The following SUSD1 variants were observed in gnomAD, a reference collection of about 807,000 sequenced individuals.
The protein encoded by SUSD1 is sushi domain containing 1.
In SUSD1, 65 loss-of-function variants were observed where a neutral mutation model predicts 86.9. That is an observed-to-expected ratio of 0.75 (90% CI 0.61 to 0.92). The LOEUF (loss-of-function observed/expected upper bound fraction) is 0.92, where lower values mean the gene tolerates loss of function less well. Ranked by LOEUF, SUSD1 falls within the 40% of genes least tolerant of loss-of-function variation. The probability of loss-of-function intolerance (pLI) is 0.00; values close to 1 mark genes in which losing one functional copy is unlikely to be tolerated. For missense variants in SUSD1, 850 were observed against 929.7 expected (o/e 0.91, Z 1.11); for synonymous variants, 346 against 350.0 (o/e 0.99, Z 0.13).
rs750474855 is a variant in SUSD1 at position 112,058,507 on chromosome 9, T to C, written c.2030A>G (p.Tyr677Cys). The C allele has an allele frequency of 6.2e-7, 1 of 1,614,204 alleles. No individual in the cohort carries two copies. Among genetic ancestry groups the C allele is most frequent in the Non-Finnish European group, 8.5e-7 (1 of 1,180,028 alleles). ...MEIPIGDRLY[Y>C]GEYYNAPLKR... ...CAAGGGTGCATTATAATATTCCCCA[T>C]AGTACAGCCTGTCTCCTATAGGTAT... Residue 677 changes from tyrosine (Y) to cysteine (C), a missense_variant, in exon 14 of 17, where the codon TAT becomes TGT. Physicochemically the swap from Tyr to Cys is radical, Grantham distance 194. Transcript: ENST00000374270.
chr9:112,149,336 G>C lies in SUSD1; in HGVS notation c.281C>G (p.Thr94Ser). ...VCGNHTSCHN[T>S]PGGFYCICLE... ...GCAAATGCAATAGAAGCCCCCGGGG[G>C]TGTTGTGGCAAGATGTGTGGTTCCC... is the stretch of plus-strand genomic sequence containing the variant. The change falls in exon 3 of 17, where the codon ACC (threonine) becomes AGC (serine). Residue 94 changes from threonine (T) to serine (S), a missense_variant. Coordinates refer to ENST00000374270, the MANE Select transcript of SUSD1 (RefSeq NM_022486.5). 1 of 1,614,124 alleles carries C rather than the reference G, an allele frequency of 6.2e-7. No individual in the cohort carries two copies. The highest frequency in any genetic ancestry group is 8.5e-7 in the Non-Finnish European group (1 of 1,180,026).
chr9:112,092,867 A>G lies in SUSD1; in HGVS notation c.1474+5603T>C, dbSNP rs145323525. Among the ~76,000 whole-genome samples, 1,024 of 152,344 alleles carry G rather than the reference A, an allele frequency of 6.7e-3. 6 individuals carry two copies. The highest frequency in any genetic ancestry group is 0.012 in the Non-Finnish European group (813 of 68,028). ...GAAACCATAAAACAGAAGAAAGGCA[A>G]CATAAATAATAATCAAAGAAGTCAT... On this transcript the variant is annotated intron_variant, in intron 10 of 16. Transcript: ENST00000374270.
chr9:112,078,017 C>T (rs932850401), intron 12 of SUSD1, among the ~76,000 whole-genome samples: 1 of 152,008 alleles, frequency 6.6e-6, no homozygotes, highest in Non-Finnish European at 1.5e-5. Context: ...TCCCCACAGA[C>T]CTCCCCTGTG....
chr9:112,098,770 C>G (rs1266388255), intron 9 of SUSD1, 108 bp from the exon 10 acceptor site: 2 of 1,012,050 alleles, frequency 2.0e-6, no homozygotes, highest in Non-Finnish European at 2.9e-6. Flanking sequence ...TTTATTTATC[C>G]TTGCCCACTT....
At chr9:112,070,828 C>A (rs570904686) in intron 12 of SUSD1, among the ~76,000 whole-genome samples, 118 of 152,204 alleles carry the variant, frequency 7.8e-4, no homozygotes, top group African/African-American at 2.5e-3. Context: ...TGGAAAGAGA[C>A]CCAAAGAAAT....
In SUSD1 at chr9:112,143,605, A is replaced by T. The variant is rs527875807; in HGVS notation, c.392T>A (p.Val131Asp). Reference protein sequence around the residue: ...TFCTDIDECEVSGLCRHGGRC... With the variant: ...TFCTDIDECEDSGLCRHGGRC... ...CCCTCCATGCCTGCACAGGCCAGAA[A>T]CTTCACACTCATCTATGTCTTGGGA... The change falls in exon 4 of 17, where the codon GTT becomes GAT. Residue 131 changes from valine to aspartate, a missense_variant. Physicochemically the swap from Val to Asp is radical, Grantham distance 152 (BLOSUM62 -3). Coordinates refer to ENST00000374270, the MANE Select transcript of SUSD1 (RefSeq NM_022486.5). 2 of 1,613,658 alleles carry T rather than the reference A, an allele frequency of 1.2e-6. No homozygotes were observed. Among genetic ancestry groups the T allele is most frequent in the South Asian group, 2.2e-5 (2 of 90,946 alleles).
At chr9:112,049,493 C>T (rs1828097217) in intron 15 of SUSD1, among the ~76,000 whole-genome samples, 1 of 152,206 alleles carries the variant, frequency 6.6e-6, no homozygotes, top group Non-Finnish European at 1.5e-5. Flanking sequence ...GCCTCTGCAT[C>T]TTCCATCAAA....
At chr9:112,134,112 G>A (rs750557395) in intron 5 of SUSD1, among the ~76,000 whole-genome samples, 4 of 152,070 alleles carry the variant, frequency 2.6e-5, no homozygotes, top group South Asian at 2.1e-4. Context: ...ATATGCTGTC[G>A]GTGGGAATGT....
At chr9:112,117,581 T>C (rs1347307357) in intron 6 of SUSD1, among the ~76,000 whole-genome samples, 1 of 152,110 alleles carries the variant, frequency 6.6e-6, no homozygotes, top group African/African-American at 2.4e-5. Context: ...GTACATAATG[T>C]TATGTATTTT....
At chr9:112,170,307 A>T (rs1055144874) in intron 1 of SUSD1, among the ~76,000 whole-genome samples, 1 of 152,182 alleles carries the variant, frequency 6.6e-6, no homozygotes, top group African/African-American at 2.4e-5. Context: ...CAGAGGGAAG[A>T]TCAAGCATGA....
chr9:112,115,081 G>A (rs547379013), intron 6 of SUSD1, among the ~76,000 whole-genome samples: 1 of 152,170 alleles, frequency 6.6e-6, no homozygotes, highest in African/African-American at 2.4e-5. Context: ...ATTTCTCCAT[G>A]TCAGAAAATG....
At chr9:112,047,898 A>G (rs1828025406) in intron 15 of SUSD1, among the ~76,000 whole-genome samples, 1 of 152,174 alleles carries the variant, frequency 6.6e-6, no homozygotes, top group Non-Finnish European at 1.5e-5. Flanking sequence ...CATGAGCTAA[A>G]TAAACCTCTT....
intron 6 of SUSD1, 61 bp downstream of exon 6, chr9:112,124,196 C>A: frequency 1.3e-6 from 2 of 1,522,464 alleles, no homozygotes; most frequent in South Asian, 2.5e-5. Flanking sequence ...TAGTTTTAGG[C>A]CCTCGGCTCC....
At chr9:112,097,411 T>A (rs887904856) in intron 10 of SUSD1, among the ~76,000 whole-genome samples, 8 of 149,998 alleles carry the variant, frequency 5.3e-5, no homozygotes, top group African/African-American at 2.0e-4. Context: ...TTTTTTTTTT[T>A]TTTTGAGATG....
intron 5 of SUSD1, among the ~76,000 whole-genome samples, chr9:112,141,891 G>GTA (rs35362000): frequency 0.18 from 25,222 of 141,372 alleles, 2,675 homozygotes; most frequent in East Asian, 0.47. Context: ...GTATATATAT[G>GTA]TATATATATA....
At chr9:112,107,650 T>C (rs1012479076) in intron 8 of SUSD1, among the ~76,000 whole-genome samples, 3 of 152,170 alleles carry the variant, frequency 2.0e-5, no homozygotes, top group African/African-American at 7.2e-5. Flanking sequence ...CAAAGGCATA[T>C]CATGCAAATG....
intron 2 of SUSD1, 56 bp downstream of exon 2, chr9:112,157,444 A>G (rs1047765305): frequency 9.4e-6 from 12 of 1,274,322 alleles, no homozygotes; most frequent in Non-Finnish European, 1.2e-5. Flanking sequence ...CTTTAATACA[A>G]GAGAATCTTG....
chr9:112,070,195 G>A (rs144756744), intron 12 of SUSD1, among the ~76,000 whole-genome samples: 2,274 of 152,028 alleles, frequency 0.015, 17 homozygotes, highest in Admixed American at 0.019. Flanking sequence ...TAGTAGAGAC[G>A]GGGTTTCTCC....
chr9:112,084,397 A>T (rs191654254), intron 10 of SUSD1, among the ~76,000 whole-genome samples: 1 of 152,190 alleles, frequency 6.6e-6, no homozygotes, highest in African/African-American at 2.4e-5. Flanking sequence ...AAAGAATAAT[A>T]TAAAAAAGCA....
Sources: gnomAD v4.1 joint callset for allele counts (sites outside exome capture counted in the v4.1 genomes callset) on GRCh38, gnomAD v4.1.1 for gene constraint, MANE v1.5 for transcripts, NCBI Gene and HGNC (gene_info 2026-07-23, HGNC 2026-07-21) for gene names.